CCSER1: variants seen among roughly 807,000 people sequenced by gnomAD.
CCSER1 encodes coiled-coil serine rich protein 1.
Under a neutral mutation model 82.0 loss-of-function variants are expected in CCSER1, and 41 were observed. That is an observed-to-expected ratio of 0.50 (90% CI 0.39 to 0.65). The LOEUF is 0.65. CCSER1 is among the 30% of genes least tolerant of loss of function. CCSER1 has a pLI of 0.00. For synonymous variants in CCSER1, 414 were observed against 383.9 expected (o/e 1.08, Z -0.92); for missense variants, 1,119 against 1,064.2 (o/e 1.05, Z -0.72).
chr4:90,319,767 C>T (rs549885809), intron 3 of CCSER1, among the ~76,000 whole-genome samples: 20 of 152,142 alleles, frequency 1.3e-4, no homozygotes, highest in African/African-American at 4.8e-4. Flanking sequence ...GTTAAAATAA[C>T]GATTGCAGTT....
intron 6 of CCSER1, among the ~76,000 whole-genome samples, chr4:90,699,949 A>C (rs1311978074): frequency 6.6e-6 from 1 of 151,384 alleles, no homozygotes; most frequent in Non-Finnish European, 1.5e-5. Context: ...CCCTTACCAG[A>C]TATTGAATCT....
chr4:91,575,731 G>A (rs751789765), intron 10 of CCSER1, among the ~76,000 whole-genome samples: 15 of 151,804 alleles, frequency 9.9e-5, no homozygotes, highest in Non-Finnish European at 2.2e-4. Flanking sequence ...CATACAATTT[G>A]TCAAAAAGTG....
At chr4:90,843,354 G>A (rs1762803484) in intron 8 of CCSER1, among the ~76,000 whole-genome samples, 3 of 152,096 alleles carry the variant, frequency 2.0e-5, no homozygotes, top group Admixed American at 2.0e-4. Context: ...GCATTAAAAT[G>A]TGGTTACAGG....
intron 3 of CCSER1, among the ~76,000 whole-genome samples, chr4:90,347,215 G>A (rs1742501837): frequency 6.6e-6 from 1 of 152,014 alleles, no homozygotes; most frequent in Admixed American, 6.6e-5. Flanking sequence ...ATTTTTACTT[G>A]TTTATCAGGC....
At chr4:90,966,757 T>C (rs1478460282) in intron 9 of CCSER1, among the ~76,000 whole-genome samples, 1 of 152,134 alleles carries the variant, frequency 6.6e-6, no homozygotes, top group Non-Finnish European at 1.5e-5. Context: ...AAAGCAATAG[T>C]TGTAAAACTA....
At chr4:91,170,295 G>A (rs1012553658) in intron 10 of CCSER1, among the ~76,000 whole-genome samples, 2 of 152,124 alleles carry the variant, frequency 1.3e-5, no homozygotes, top group Non-Finnish European at 2.9e-5. Context: ...AATTAAATAT[G>A]CAGCTACTCA....
At chr4:90,434,067 G>T (rs1351216717) in intron 4 of CCSER1, among the ~76,000 whole-genome samples, 1 of 151,768 alleles carries the variant, frequency 6.6e-6, no homozygotes, top group Admixed American at 6.6e-5. Flanking sequence ...ATGGTTGAAG[G>T]TTTTTTGTTT....
intron 10 of CCSER1, among the ~76,000 whole-genome samples, chr4:91,564,752 T>C (rs936808180): frequency 6.6e-6 from 1 of 152,054 alleles, no homozygotes; most frequent in African/African-American, 2.4e-5. Context: ...TGTTAATTTG[T>C]TTAGGTTCCT....
chr4:90,313,028 C>T lies in CCSER1; in HGVS notation c.1490C>T (p.Ser497Phe), dbSNP rs770773842. ...AGAAAGCAAAGAGCAGGTTCTTCATCTTCAAAAATGAACAGTTTGGTAAGT... is the reference window on the plus strand; with the variant it reads ...AGAAAGCAAAGAGCAGGTTCTTCATTTTCAAAAATGAACAGTTTGGTAAGT... ...SLRKQRAGSS[S>F]SKMNSLDVLN... is the part of the protein sequence containing the mutation. The change falls in exon 3 of 11, where the codon TCT becomes TTT. Residue 497 changes from serine (S) to phenylalanine (F), a missense_variant. Physicochemically the swap from Ser to Phe is radical, Grantham distance 155. Transcript: ENST00000509176. 2.5e-6 allele frequency: 4 copies of T among 1,602,604 alleles called. No individual in the cohort carries two copies. Among genetic ancestry groups the T allele is most frequent in the Admixed American group, 1.7e-5 (1 of 58,648 alleles).
chr4:91,029,087 C>G (rs372770179), intron 9 of CCSER1, among the ~76,000 whole-genome samples: 107 of 151,944 alleles, frequency 7.0e-4, no homozygotes, highest in Non-Finnish European at 1.1e-3. Context: ...AAAACAAGCT[C>G]AGGAAAAAGA....
At chr4:90,591,805 C>T (rs542513348) in intron 5 of CCSER1, among the ~76,000 whole-genome samples, 4 of 152,106 alleles carry the variant, frequency 2.6e-5, no homozygotes, top group Non-Finnish European at 5.9e-5. Flanking sequence ...CAGTGATAGA[C>T]CGGATAAAGA....
rs558874626 is a variant in CCSER1, at chr4:91,383,375, A to G, written c.2218-215197A>G. Among the ~76,000 whole-genome samples, 7 of 152,030 alleles carry G rather than the reference A, an allele frequency of 4.6e-5. No homozygotes were observed. In the South Asian group the frequency reaches 1.5e-3, roughly 32 times the overall value. Reference sequence around the variant, plus strand: ...ACTTTTTTTTTTCAAAAAGGAGATCAGAAGGTGAGAGTTAACAAATTAAAA... The same window carrying G: ...ACTTTTTTTTTTCAAAAAGGAGATCGGAAGGTGAGAGTTAACAAATTAAAA... On this transcript the variant is annotated intron_variant, in intron 10 of 10. Transcript: ENST00000509176.
At chr4:90,857,010 A>G (rs1764538365) in intron 8 of CCSER1, among the ~76,000 whole-genome samples, 1 of 151,716 alleles carries the variant, frequency 6.6e-6, no homozygotes, top group South Asian at 2.1e-4. Context: ...CATGATAGGC[A>G]TGCTATCTTT....
intron 8 of CCSER1, among the ~76,000 whole-genome samples, chr4:90,838,648 C>G (rs1490314469): frequency 3.9e-5 from 6 of 152,056 alleles, no homozygotes; most frequent in Non-Finnish European, 8.8e-5. Flanking sequence ...TCACTGTTGT[C>G]CCACCCCACT....
At chr4:90,995,728 G>A (rs1294936883) in intron 9 of CCSER1, among the ~76,000 whole-genome samples, 2 of 151,966 alleles carry the variant, frequency 1.3e-5, no homozygotes, top group Non-Finnish European at 2.9e-5. Context: ...AGTTCGGTGT[G>A]TTGCCATTTA....
intron 10 of CCSER1, among the ~76,000 whole-genome samples, chr4:91,250,225 GA>G (rs893194844): frequency 4.0e-5 from 6 of 150,088 alleles, no homozygotes; most frequent in Admixed American, 1.3e-4. Flanking sequence ...CAGATGGCTT[GA>G]AAAAAAAATG....
chr4:90,570,539 C>T (rs986556748), intron 5 of CCSER1, among the ~76,000 whole-genome samples: 1 of 152,080 alleles, frequency 6.6e-6, no homozygotes, highest in Admixed American at 6.5e-5. Flanking sequence ...GACTGATGGT[C>T]CCCTGGGAGT....
chr4:90,265,260 A>G (rs1024043952), intron 1 of CCSER1, among the ~76,000 whole-genome samples: 1 of 151,732 alleles, frequency 6.6e-6, no homozygotes, highest in Admixed American at 6.6e-5. Context: ...ATGTATTTTT[A>G]TGGCAAAAAT....
intron 10 of CCSER1, among the ~76,000 whole-genome samples, chr4:91,504,009 A>C (rs577787616): frequency 6.6e-6 from 1 of 152,200 alleles, no homozygotes; most frequent in Non-Finnish European, 1.5e-5. Context: ...TCTACTCTGC[A>C]TACATAAGTC....
Sources: gnomAD v4.1 joint callset for allele counts (sites outside exome capture counted in the v4.1 genomes callset) on GRCh38, gnomAD v4.1.1 for gene constraint, MANE v1.5 for transcripts, NCBI Gene and HGNC (gene_info 2026-07-23, HGNC 2026-07-21) for gene names.